CPED1: variants seen among roughly 807,000 people sequenced by gnomAD.
CPED1 encodes cadherin like and PC-esterase domain containing 1.
CPED1 carries 114 observed loss-of-function variants against 128.2 expected under a neutral mutation model. That is an observed-to-expected ratio of 0.89 (90% CI 0.76 to 1.04). The LOEUF (loss-of-function observed/expected upper bound fraction) is 1.04, where lower values mean the gene tolerates loss of function less well. Among genes scored for constraint, CPED1 ranks in the 50% least tolerant of loss-of-function variants. The pLI, the probability that CPED1 is intolerant of heterozygous loss-of-function variation, is 0.00. For synonymous variants in CPED1, 462 were observed against 426.7 expected, an observed-to-expected ratio of 1.08 and a Z score of -1.02; for missense variants, 1,211 against 1,207.1, an observed-to-expected ratio of 1.00 and a Z score of -0.05.
intron 5 of CPED1, among the ~76,000 whole-genome samples, chr7:121,075,656 G>A (rs1203935265): frequency 1.3e-5 from 2 of 151,996 alleles, no homozygotes; most frequent in Non-Finnish European, 2.9e-5. Flanking sequence ...TAGAGGTAGG[G>A]TTTCACCATA....
chr7:121,134,743 G>A lies in CPED1; in HGVS notation c.1648+850G>A, dbSNP rs540620543. Among the ~76,000 whole-genome samples, 5 of 152,112 alleles carry A rather than the reference G, an allele frequency of 3.3e-5. No homozygotes were observed. The South Asian group carries it at 6.2e-4, about 19-fold the overall frequency. On this transcript the variant is annotated intron_variant, in intron 13 of 22. Transcript: ENST00000310396. ...TTAAAATAAAACTTTAAAAAAGATA[G>A]TAAAGTTGGAGAGAGTGTATGGAAA... is the stretch of plus-strand genomic sequence containing the variant.
chr7:120,995,945 TCTCCTC>T (rs10572580), intron 2 of CPED1, among the ~76,000 whole-genome samples: 70,928 of 147,318 alleles, frequency 0.48, 18,084 homozygotes, highest in South Asian at 0.65. Flanking sequence ...TCCTCCTTCT[TCTCCTC>T]CTCCTCCTCC....
chr7:121,202,107 C>G (rs1026250099), intron 16 of CPED1, among the ~76,000 whole-genome samples: 2 of 152,152 alleles, frequency 1.3e-5, no homozygotes, highest in Non-Finnish European at 2.9e-5. Context: ...CTTAATTCTA[C>G]TCTCAGTAAG....
rs183541862 is a variant in CPED1 at position 121,238,616 on chromosome 7, C to T, written c.2173+1785C>T. Among the ~76,000 whole-genome samples, 74 of 152,088 alleles carry T rather than the reference C, an allele frequency of 4.9e-4. 1 individual carries two copies. The Middle Eastern group carries it at 0.017, about 35-fold the overall frequency. On this transcript the variant is annotated intron_variant, in intron 17 of 22. Coordinates refer to ENST00000310396, the MANE Select transcript of CPED1 (RefSeq NM_024913.5). Reference sequence around the variant, plus strand: ...CTCCAAAATGAAGTGATGTTCCTTACGAAGAGGAGGAAGTGGCACAGGGCC... The same window carrying T: ...CTCCAAAATGAAGTGATGTTCCTTATGAAGAGGAGGAAGTGGCACAGGGCC...
At chr7:120,993,946 C>T in intron 2 of CPED1, 1 of 329,166 alleles carries the variant, frequency 3.0e-6, no homozygotes, top group Non-Finnish European at 6.4e-6. Flanking sequence ...GAAGCTCGCC[C>T]CTGGGTGGGG....
intron 3 of CPED1, among the ~76,000 whole-genome samples, chr7:121,016,051 T>C (rs932124161): frequency 5.9e-5 from 9 of 152,360 alleles, no homozygotes; most frequent in African/African-American, 2.2e-4. Flanking sequence ...ATTCCTGAAA[T>C]TATTTCATTT....
Position 121,295,514 on chromosome 7 carries a change from AT to A in CPED1, c.2944del (p.Tyr982IlefsTer13). On this transcript the variant is annotated frameshift_variant, in exon 23 of 23. Transcript: ENST00000310396. LOFTEE classifies it high-confidence loss of function. ...KRSRNHIMGR[Y>X]FSNQSKLQQG... ...GATCAAGAAATCATATCATGGGAAG[AT>A]ATTTCAGCAATCAAAGCAAACTACA... 6.2e-7 allele frequency: 1 copy of A among 1,614,098 alleles called. No homozygotes were observed. The highest frequency in any genetic ancestry group is 1.3e-5 in the African/African-American group (1 of 75,068).
intron 16 of CPED1, among the ~76,000 whole-genome samples, chr7:121,197,935 C>T (rs2116552049): frequency 6.6e-6 from 1 of 152,178 alleles, no homozygotes; most frequent in Non-Finnish European, 1.5e-5. Context: ...AAGAATCAGA[C>T]TAGTAAGTGT....
chr7:121,193,254 TTGA>T (rs1214642338), intron 16 of CPED1, among the ~76,000 whole-genome samples: 1 of 152,130 alleles, frequency 6.6e-6, no homozygotes, highest in Non-Finnish European at 1.5e-5. Context: ...GAACAAATGT[TTGA>T]TGAAAAAATT....
At chr7:121,138,878 A>G (rs1332367806) in intron 14 of CPED1, among the ~76,000 whole-genome samples, 3 of 151,854 alleles carry the variant, frequency 2.0e-5, no homozygotes, top group African/African-American at 7.3e-5. Flanking sequence ...GTTTGCAGCC[A>G]TTTGAATCAA....
chr7:121,265,929 A>G (rs1311532208), intron 18 of CPED1, among the ~76,000 whole-genome samples: 1 of 152,072 alleles, frequency 6.6e-6, no homozygotes, highest in Non-Finnish European at 1.5e-5. Context: ...GAACTTGTTA[A>G]GATGCTTAAA....
intron 16 of CPED1, among the ~76,000 whole-genome samples, chr7:121,152,915 T>C (rs1337864507): frequency 3.3e-5 from 5 of 152,192 alleles, no homozygotes; most frequent in Non-Finnish European, 7.4e-5. Flanking sequence ...AGTGTAAATT[T>C]TGCCTTAAAC....
intron 2 of CPED1, among the ~76,000 whole-genome samples, chr7:121,010,883 A>C (rs1490214228): frequency 6.6e-6 from 1 of 152,202 alleles, no homozygotes; most frequent in Non-Finnish European, 1.5e-5. Context: ...TTATAACATA[A>C]GTTTTAAATA....
At position 121,266,307 on chromosome 7, in the gene CPED1, G is replaced by A. The variant is rs768943899; in HGVS notation, c.2391G>A (p.Trp797Ter). 3.1e-6 allele frequency: 5 copies of A among 1,613,206 alleles called. No homozygotes were observed. Among genetic ancestry groups the A allele is most frequent in the South Asian group, 2.2e-5 (2 of 91,066 alleles). Residue 797 changes from tryptophan to a stop codon, truncating the protein, a stop_gained, in exon 19 of 23, where the codon TGG becomes TGA. Transcript: ENST00000310396. LOFTEE classifies it high-confidence loss of function. ...GGCTGAATGAAACGTTGCAGGAATGGCAGAAAGTACATGGCACTAAATTCT... is the reference window on the plus strand; with the variant it reads ...GGCTGAATGAAACGTTGCAGGAATGACAGAAAGTACATGGCACTAAATTCT... ...IERLNETLQE[W>*]QKVHGTKFYH...
chr7:121,295,485 A>T lies in CPED1; in HGVS notation c.2914A>T (p.Lys972Ter), dbSNP rs199987336. ...LSKEYNFIKMKRSRNHIMGRY... is the reference protein window; with the variant it reads ...LSKEYNFIKM ...CAAAGAATATAACTTTATTAAAATG[A>T]AAAGATCAAGAAATCATATCATGGG... is the stretch of plus-strand genomic sequence containing the variant. Residue 972 changes from lysine to a stop codon, truncating the protein, a stop_gained, in exon 23 of 23, where the codon AAA becomes TAA. Coordinates refer to ENST00000310396, the MANE Select transcript of CPED1 (RefSeq NM_024913.5). LOFTEE classifies it high-confidence loss of function. The T allele has an allele frequency of 9.3e-6, 15 of 1,613,836 alleles. No individual in the cohort carries two copies. Among genetic ancestry groups the T allele is most frequent in the Non-Finnish European group, 1.3e-5 (15 of 1,179,808 alleles).
At chr7:121,259,847 CT>C (rs1791970340) in intron 18 of CPED1, among the ~76,000 whole-genome samples, 1 of 151,998 alleles carries the variant, frequency 6.6e-6, no homozygotes, top group Non-Finnish European at 1.5e-5. Flanking sequence ...ACAAAAAGTA[CT>C]TAAACTCAGC....
intron 16 of CPED1, among the ~76,000 whole-genome samples, chr7:121,227,484 C>A (rs561121662): frequency 6.6e-6 from 1 of 152,064 alleles, no homozygotes; most frequent in Admixed American, 6.6e-5. Context: ...TTTTAAGGAA[C>A]CAACTTTCAA....
intron 2 of CPED1, among the ~76,000 whole-genome samples, chr7:121,009,046 A>ATGC (rs1461875391): frequency 2.6e-5 from 4 of 151,972 alleles, no homozygotes; most frequent in Non-Finnish European, 5.9e-5. Flanking sequence ...TTTCCACAGC[A>ATGC]TGCTATGCCT....
At chr7:121,142,386 CA>C (rs1036071432) in intron 16 of CPED1, among the ~76,000 whole-genome samples, 1 of 151,200 alleles carries the variant, frequency 6.6e-6, no homozygotes, top group South Asian at 2.1e-4. Flanking sequence ...GGTTAATGTT[CA>C]AAAAAAATGT....
Sources: allele counts gnomAD v4.1 joint callset (sites outside exome capture counted in the v4.1 genomes callset), GRCh38; gene constraint gnomAD v4.1.1; transcripts MANE v1.5; gene names NCBI Gene and HGNC (gene_info 2026-07-23, HGNC 2026-07-21).